Variants in GP2 observed in about 807,000 individuals in gnomAD.
GP2 encodes glycoprotein 2.
Under a neutral mutation model 60.8 loss-of-function variants are expected in GP2, and 58 were observed. That is an observed-to-expected ratio of 0.95 (90% CI 0.77 to 1.19). The LOEUF (loss-of-function observed/expected upper bound fraction) is 1.19. Ranked by LOEUF, GP2 falls within the 50% of genes most tolerant of loss-of-function variation. The pLI, the probability that GP2 is intolerant of heterozygous loss-of-function variation, is 0.00. For missense variants in GP2, 647 were observed against 667.4 expected (o/e 0.97, Z 0.34); for synonymous variants, 280 against 253.4 (o/e 1.10, Z -1.00).
In GP2 at chr16:20,311,017, A is replaced by G; in HGVS notation, c.*206T>C. 2.4e-6 allele frequency: 1 copy of G among 414,758 alleles called. No individual in the cohort carries two copies. The allele number at this position is 414,758 out of a possible 1,614,324, so 25.7% of individuals were successfully genotyped here. A position where few individuals can be genotyped will look rare whatever the true frequency, so the allele number is the denominator to read the frequency against. On this transcript the variant is annotated 3_prime_UTR_variant, in exon 11 of 11. Transcript: ENST00000302555. ...GGTGATCCACCTGCCTCAGCCTCCC[A>G]AAATGCTGGGATTACAGGCATGAGC...
At chr16:20,323,263 A>T (rs1473632610) in intron 3 of GP2, 4 of 682,754 alleles carry the variant, frequency 5.9e-6, no homozygotes, top group African/African-American at 5.3e-5. Context: ...AAGGCCATGG[A>T]TGCTGGAGCT....
At chr16:20,323,488 C>CT in intron 3 of GP2, 1 of 590,004 alleles carries the variant, frequency 1.7e-6, no homozygotes, top group South Asian at 1.8e-5. Flanking sequence ...TTGCTGTACC[C>CT]CCCCCCCCTT....
At chr16:20,325,537 ATTG>A (rs902400169) in intron 2 of GP2, among the ~76,000 whole-genome samples, 9 of 152,288 alleles carry the variant, frequency 5.9e-5, no homozygotes, top group African/African-American at 2.2e-4. Flanking sequence ...GCCTTAAACG[ATTG>A]TTAGAGGATT....
intron 10 of GP2, among the ~76,000 whole-genome samples, chr16:20,314,344 T>A (rs905412745): frequency 6.6e-6 from 1 of 151,900 alleles, no homozygotes; most frequent in Non-Finnish European, 1.5e-5. Flanking sequence ...ATTTCTAAAG[T>A]ACCATGTTTA....
At chr16:20,319,841 G>T (rs1356873136) in intron 5 of GP2, 73 bp from the exon 6 acceptor site, 2 of 1,212,802 alleles carry the variant, frequency 1.6e-6, no homozygotes, top group East Asian at 2.3e-5. Flanking sequence ...ATCCAGATCT[G>T]ATTTCCAGAG....
chr16:20,313,169 A>G (rs748032190), intron 10 of GP2, among the ~76,000 whole-genome samples: 4 of 152,048 alleles, frequency 2.6e-5, no homozygotes, highest in Non-Finnish European at 4.4e-5. Flanking sequence ...TCTTAATAGT[A>G]TGTGCTTTCC....
intron 3 of GP2, chr16:20,323,496 C>CCCT (rs1555483075): frequency 2.6e-6 from 1 of 379,024 alleles, no homozygotes; most frequent in South Asian, 2.5e-5. Flanking sequence ...CCCCCCCCCC[C>CCCT]TTTTTTTCAG....
At chr16:20,317,431 TAA>T (rs1382822799) in intron 7 of GP2, 56 bp from the exon 8 acceptor site, 1 of 1,373,878 alleles carries the variant, frequency 7.3e-7, no homozygotes, top group African/African-American at 1.4e-5. Context: ...TGGAGAAAAT[TAA>T]AGAGTCCCTC....
intron 4 of GP2, among the ~76,000 whole-genome samples, chr16:20,320,844 C>A (rs1272260420): frequency 6.6e-6 from 1 of 152,138 alleles, no homozygotes; most frequent in Non-Finnish European, 1.5e-5. Flanking sequence ...AACATTTATT[C>A]AACACACAAC....
chr16:20,327,350 T>C (rs779429109), intron 1 of GP2, 117 bp downstream of exon 1: 16 of 602,150 alleles, frequency 2.7e-5, no homozygotes, highest in Non-Finnish European at 3.7e-5. Context: ...ATGGCCAGGG[T>C]CCAAACTACT....
chr16:20,322,804 TA>T, intron 4 of GP2, 64 bp downstream of exon 4: 1 of 887,028 alleles, frequency 1.1e-6, no homozygotes, highest in Non-Finnish European at 1.9e-6. Context: ...CTTGACCCTC[TA>T]AAGCTCCCTC....
At chr16:20,314,528 C>T in intron 10 of GP2, 129 bp downstream of exon 10, 1 of 752,524 alleles carries the variant, frequency 1.3e-6, no homozygotes, top group Non-Finnish European at 2.4e-6. Flanking sequence ...GTGGGCATCT[C>T]AAAGGCCAAT....
rs543933169 is a variant in GP2 at position 20,317,144 on chromosome 16, T to G, written c.1416+69A>C. 4 of 244,684 alleles carry G rather than the reference T, an allele frequency of 1.6e-5. No individual in the cohort carries two copies. In the East Asian group the frequency reaches 6.2e-4, roughly 38 times the overall value. 15.2% of individuals were successfully genotyped at this position (244,684 alleles called of 1,614,324 possible). A position where few individuals can be genotyped will look rare whatever the true frequency, so the allele number is the denominator to read the frequency against. Reference sequence around the variant, plus strand: ...TGCGTTTATAATTCCAATAAATATATATGGAAAGCCTATCAGGTACCAGGC... The same window carrying G: ...TGCGTTTATAATTCCAATAAATATAGATGGAAAGCCTATCAGGTACCAGGC... On this transcript the variant is annotated intron_variant, in intron 8 of 10. Coordinates refer to ENST00000302555, the MANE Select transcript of GP2 (RefSeq NM_001502.4).
At chr16:20,315,714 G>A (rs1276160406) in intron 9 of GP2, among the ~76,000 whole-genome samples, 2 of 152,174 alleles carry the variant, frequency 1.3e-5, no homozygotes, top group African/African-American at 4.8e-5. Flanking sequence ...AATGGACATA[G>A]GCATGGGAGG....
chr16:20,320,503 T>C (rs746196044), intron 4 of GP2, 30 bp from the exon 5 acceptor site: 16 of 1,472,774 alleles, frequency 1.1e-5, no homozygotes, highest in South Asian at 2.3e-5. Flanking sequence ...GCAAGTAGAA[T>C]GGACATGAGT....
intron 3 of GP2, chr16:20,323,567 C>A: frequency 5.2e-6 from 3 of 573,250 alleles, no homozygotes; most frequent in Non-Finnish European, 3.2e-6. Context: ...AAAATCGGAA[C>A]GAGCATGAGT....
intron 9 of GP2, 22 bp from the exon 10 acceptor site, chr16:20,314,723 G>A (rs1474865140): frequency 1.9e-6 from 3 of 1,577,072 alleles, no homozygotes; most frequent in Non-Finnish European, 2.6e-6. Flanking sequence ...AACAGAAGGG[G>A]TGGGTTTCCT....
At position 20,327,476 on chromosome 16, in the gene GP2, G is replaced by C. The variant is rs1482616284; in HGVS notation, c.-46C>G. 3 of 1,288,586 alleles carry C rather than the reference G, an allele frequency of 2.3e-6. No homozygotes were observed. The African/African-American group carries it at 4.6e-5, about 20-fold the overall frequency. 79.8% of individuals were successfully genotyped at this position (1,288,586 alleles called of 1,614,324 possible). A position where few individuals can be genotyped will look rare whatever the true frequency, so the allele number is the denominator to read the frequency against. On this transcript the variant is annotated 5_prime_UTR_variant, in exon 1 of 11. Transcript: ENST00000302555. ...TTAAAGCAGGACTTACCTCCGATGAGAACACAAAGCGTTCCTCCTCTGGCC... is the reference window on the plus strand; with the variant it reads ...TTAAAGCAGGACTTACCTCCGATGACAACACAAAGCGTTCCTCCTCTGGCC...
intron 9 of GP2, among the ~76,000 whole-genome samples, chr16:20,315,339 A>T (rs1280998333): frequency 6.6e-6 from 1 of 152,182 alleles, no homozygotes; most frequent in African/African-American, 2.4e-5. Context: ...TCATTCTTTC[A>T]CTTCTCCATC....
Sources: gnomAD v4.1 joint callset for allele counts (sites outside exome capture counted in the v4.1 genomes callset) on GRCh38, gnomAD v4.1.1 for gene constraint, MANE v1.5 for transcripts, NCBI Gene and HGNC (gene_info 2026-07-23, HGNC 2026-07-21) for gene names.